Variants in CLVS1 observed in about 807,000 individuals in gnomAD.
The protein encoded by CLVS1 is clavesin-1.
In CLVS1, 10 loss-of-function variants were observed where a neutral mutation model predicts 33.1. That is an observed-to-expected ratio of 0.30 (90% CI 0.19 to 0.51). The LOEUF is 0.51. Among genes scored for constraint, CLVS1 ranks in the 20% least tolerant of loss-of-function variants. CLVS1 has a pLI of 0.97. For missense variants in CLVS1, 343 were observed against 433.4 expected, an observed-to-expected ratio of 0.79 and a Z score of 1.85; for synonymous variants, 163 against 166.1, an observed-to-expected ratio of 0.98 and a Z score of 0.14.
the CLVS1 span, among the ~76,000 whole-genome samples, chr8:61,024,909 G>A: frequency 3.9e-4 from 59 of 150,040 alleles, 1 homozygote; most frequent in East Asian, 0.01. Context: ...GTGCAGTGGC[G>A]TGATCTCTGC....
upstream of CLVS1, among the ~76,000 whole-genome samples, chr8:61,054,021 A>G (rs765498598): frequency 4.6e-5 from 7 of 152,148 alleles, no homozygotes; most frequent in Non-Finnish European, 1.0e-4. Flanking sequence ...GTTTGAATCA[A>G]TCTCCTCTCT....
the CLVS1 span, among the ~76,000 whole-genome samples, chr8:61,046,093 G>C: frequency 1.3e-4 from 20 of 149,874 alleles, no homozygotes; most frequent in Non-Finnish European, 1.5e-5. Flanking sequence ...TAATGCCTAG[G>C]TTTTCTTCTA....
Position 61,161,691 on chromosome 8 carries a change from T to C in CLVS1, c.-152+29831T>C, listed in dbSNP as rs573235553. ...GTCAAAGGGTACACAATTTTAGTTA[T>C]GCAGAATGAATAAGTTCTAGAGATC... is the stretch of plus-strand genomic sequence containing the variant. On this transcript the variant is annotated intron_variant, in intron 2 of 2. Coordinates refer to the CLVS1 transcript ENST00000522621. Among the ~76,000 whole-genome samples the C allele has an allele frequency of 3.3e-5, 5 of 152,326 alleles. No individual in the cohort carries two copies. In the South Asian group the frequency reaches 1.0e-3, roughly 32 times the overall value.
chr8:61,082,019 G>A (rs1267845825), intron 1 of CLVS1, among the ~76,000 whole-genome samples: 1 of 152,084 alleles, frequency 6.6e-6, no homozygotes, highest in African/African-American at 2.4e-5. Context: ...TTATCACAGT[G>A]GAAATTCAAG....
At chr8:61,275,803 A>G (rs1809551746) in intron 2 of CLVS1, among the ~76,000 whole-genome samples, 1 of 152,214 alleles carries the variant, frequency 6.6e-6, no homozygotes, top group Admixed American at 6.5e-5. Flanking sequence ...CATCCCTCAA[A>G]AGAACAAACC....
chr8:60,988,039 G>A, the CLVS1 span, among the ~76,000 whole-genome samples: 5 of 152,156 alleles, frequency 3.3e-5, no homozygotes, highest in Non-Finnish European at 5.9e-5. Context: ...TTGCAGGGCT[G>A]GTGAATGGCA....
rs376185436 is a variant in CLVS1, at chr8:61,232,022, G to GTTTTTTTTTTTTTTTTTT, written c.-151-67655_-151-67654insTTTTTTTTTTTTTTTTTT. 6.8e-5 allele frequency among the ~76,000 whole-genome samples: 8 copies of GTTTTTTTTTTTTTTTTTT among 117,074 alleles called. 1 individual carries two copies. The highest frequency in any genetic ancestry group is 3.5e-4 in the East Asian group (1 of 2,822). The allele number at this position is 117,074 out of a possible 152,430, so 76.8% of individuals were successfully genotyped here. ...GAGAAGGAGCCCTGAGGAAAGTTGT[G>GTTTTTTTTTTTTTTTTTT]GTTTTTTTTTTTTTTTTTTTTTTTT... On this transcript the variant is annotated intron_variant, in intron 2 of 2. Transcript: ENST00000522621.
At chr8:61,273,475 C>A (rs1331669747) in intron 2 of CLVS1, among the ~76,000 whole-genome samples, 4 of 149,800 alleles carry the variant, frequency 2.7e-5, no homozygotes, top group Non-Finnish European at 3.0e-5. Context: ...AGAGGTGGAG[C>A]CTACAGAGGC....
chr8:61,091,345 T>C (rs1805245746), intron 1 of CLVS1, among the ~76,000 whole-genome samples: 1 of 152,250 alleles, frequency 6.6e-6, no homozygotes, highest in Middle Eastern at 3.2e-3. Flanking sequence ...ATTTTGCTCT[T>C]CTGACCTCTA....
the CLVS1 span, among the ~76,000 whole-genome samples, chr8:61,024,799 A>G: frequency 6.6e-6 from 1 of 151,972 alleles, no homozygotes; most frequent in East Asian, 1.9e-4. Context: ...ACTGAGTCCC[A>G]TGATTTAGTG....
chr8:61,153,379 G>A (rs1036584794), intron 2 of CLVS1, among the ~76,000 whole-genome samples: 3 of 152,174 alleles, frequency 2.0e-5, no homozygotes, highest in Non-Finnish European at 4.4e-5. Context: ...AAGCAGTCAC[G>A]ATGGTGTGCC....
chr8:61,164,227 C>G (rs1806810666), intron 2 of CLVS1, among the ~76,000 whole-genome samples: 1 of 152,190 alleles, frequency 6.6e-6, no homozygotes, highest in South Asian at 2.1e-4. Context: ...CGTAGGAATT[C>G]TTAGTCGGCC....
intron 1 of CLVS1, among the ~76,000 whole-genome samples, chr8:61,092,416 G>A (rs1178462877): frequency 2.6e-5 from 4 of 152,266 alleles, no homozygotes; most frequent in South Asian, 2.1e-4. Context: ...ATCATCTCCC[G>A]CTGCTGTAAA....
chr8:61,162,515 C>G (rs901337294), intron 2 of CLVS1, among the ~76,000 whole-genome samples: 1 of 152,202 alleles, frequency 6.6e-6, no homozygotes, highest in Non-Finnish European at 1.5e-5. Flanking sequence ...TCAGACTCCT[C>G]GTTCTCTGTC....
the CLVS1 span, among the ~76,000 whole-genome samples, chr8:60,977,944 T>A: frequency 6.6e-6 from 1 of 152,222 alleles, no homozygotes; most frequent in Non-Finnish European, 1.5e-5. Context: ...TACAAGGAAT[T>A]TGCAATAAGA....
intron 2 of CLVS1, among the ~76,000 whole-genome samples, chr8:61,164,048 G>T (rs189985324): frequency 9.8e-4 from 150 of 152,318 alleles, no homozygotes; most frequent in African/African-American, 3.4e-3. Context: ...CCCAATCATT[G>T]TCCCTCCCCC....
At chr8:61,277,173 C>T (rs543073605) in intron 2 of CLVS1, among the ~76,000 whole-genome samples, 2 of 152,288 alleles carry the variant, frequency 1.3e-5, no homozygotes, top group South Asian at 4.1e-4. Flanking sequence ...CAAGCACTAC[C>T]TTTAGGCTAA....
At chr8:61,003,835 A>C in the CLVS1 span, among the ~76,000 whole-genome samples, 15 of 152,330 alleles carry the variant, frequency 9.8e-5, no homozygotes, top group South Asian at 3.1e-3. Flanking sequence ...GAAGTTTCTG[A>C]CCTCATACAC....
the CLVS1 span, among the ~76,000 whole-genome samples, chr8:60,999,593 T>C: frequency 6.6e-6 from 1 of 152,190 alleles, no homozygotes; most frequent in Non-Finnish European, 1.5e-5. Flanking sequence ...CATGCCAACA[T>C]ACCACCTGGC....
Sources: allele counts gnomAD v4.1 joint callset (sites outside exome capture counted in the v4.1 genomes callset), GRCh38; gene constraint gnomAD v4.1.1; transcripts MANE v1.5; gene names NCBI Gene and HGNC (gene_info 2026-07-23, HGNC 2026-07-21).